TMC4: variants seen among roughly 807,000 people sequenced by gnomAD.
TMC4 encodes transmembrane channel like 4.
A neutral mutation model predicts 82.0 loss-of-function variants in TMC4; 70 were observed. The observed-to-expected ratio is 0.85, with a 90% confidence interval of 0.70 to 1.04. The LOEUF (loss-of-function observed/expected upper bound fraction) is 1.04. TMC4 is among the 50% of genes least tolerant of loss of function. The probability of loss-of-function intolerance (pLI) is 0.00; values close to 1 mark genes in which losing one functional copy is unlikely to be tolerated. For missense variants in TMC4, 879 were observed against 899.0 expected, an observed-to-expected ratio of 0.98 and a Z score of 0.28; for synonymous variants, 446 against 406.0, an observed-to-expected ratio of 1.10 and a Z score of -1.18.
At position 54,164,504 on chromosome 19, in the gene TMC4, A is replaced by G. The variant is rs1267305130; in HGVS notation, c.1043T>C (p.Leu348Pro). The G allele has an allele frequency of 6.2e-7, 1 of 1,613,672 alleles. No homozygotes were observed. The highest frequency in any genetic ancestry group is 1.1e-5 in the South Asian group (1 of 91,056). The change falls in exon 7 of 15, where the codon CTG (leucine) becomes CCG (proline). Residue 348 changes from leucine to proline, a missense_variant. Coordinates refer to ENST00000619895, the MANE Select transcript of TMC4 (RefSeq NM_144686.4). ...GGCTGCCCCCAGGAGCGCGACCACC[A>G]GCAGGTTGAGCAGCACCCGCACCAA... ...VWLVRVLLNL[L>P]VVALLGAAFY...
chr19:54,164,429 C>CACGGT lies in TMC4; in HGVS notation c.1113+4_1113+5insACCGT. The CACGGT allele has an allele frequency of 6.2e-7, 1 of 1,608,464 alleles. No homozygotes were observed. Among genetic ancestry groups the CACGGT allele is most frequent in the East Asian group, 2.2e-5 (1 of 44,744 alleles). On this transcript the variant is annotated splice_donor_region_variant and intron_variant, in intron 7 of 14. Transcript: ENST00000619895. ...CCTGGCTTCCTCTTCCAAGACCGTC[C>CACGGT]GCACCTGCAGCTCCACGGTGCACCC...
In TMC4 at chr19:54,165,331, C is replaced by A. The variant is rs2075674868; in HGVS notation, c.945+88G>T. ...GAGCTGCTTAGCATCTCTCCGGAGGCCCCATCACCGAGTTAGGCCCTGTGC... is the reference window on the plus strand; with the variant it reads ...GAGCTGCTTAGCATCTCTCCGGAGGACCCATCACCGAGTTAGGCCCTGTGC... On this transcript the variant is annotated intron_variant, in intron 6 of 14. Coordinates refer to ENST00000619895, the MANE Select transcript of TMC4 (RefSeq NM_144686.4). 4 of 1,371,536 alleles carry A rather than the reference C, an allele frequency of 2.9e-6. No individual in the cohort carries two copies. The South Asian group carries it at 4.5e-5, about 16-fold the overall frequency. 85.0% of individuals were successfully genotyped at this position (1,371,536 alleles called of 1,614,324 possible).
intron 2 of TMC4, among the ~76,000 whole-genome samples, chr19:54,171,300 G>T (rs1267524108): frequency 3.9e-5 from 6 of 152,000 alleles, no homozygotes; most frequent in Admixed American, 3.9e-4. Flanking sequence ...GTAGAGTTGG[G>T]GTTTTGCCAT....
intron 2 of TMC4, among the ~76,000 whole-genome samples, chr19:54,170,458 C>T (rs797011335): frequency 1.6e-4 from 24 of 152,098 alleles, no homozygotes; most frequent in African/African-American, 5.5e-4. Flanking sequence ...TGGAGTTTAT[C>T]TGGGCTCTCA....
At position 54,162,661 on chromosome 19, in the gene TMC4, C is replaced by A. The variant is rs993597818; in HGVS notation, c.1502+12G>T. On this transcript the variant is annotated intron_variant, in intron 10 of 14. Transcript: ENST00000619895. Reference sequence around the variant, plus strand: ...AGAGGGGCGGGGCCACAGCAAGGGGCGGGGCTCTCACTTTCTAGGAAACTG... The same window carrying A: ...AGAGGGGCGGGGCCACAGCAAGGGGAGGGGCTCTCACTTTCTAGGAAACTG... 13 of 1,608,304 alleles carry A rather than the reference C, an allele frequency of 8.1e-6. No homozygotes were observed. Among genetic ancestry groups the A allele is most frequent in the African/African-American group, 1.3e-5 (1 of 74,760 alleles).
chr19:54,170,057 C>T (rs371571263), intron 2 of TMC4, among the ~76,000 whole-genome samples: 3 of 151,738 alleles, frequency 2.0e-5, no homozygotes, highest in Admixed American at 6.6e-5. Flanking sequence ...GCTGAGATGG[C>T]GCCATTGCAT....
chr19:54,169,593 G>T lies in TMC4; in HGVS notation c.361C>A (p.Leu121Ile). ...SGTKTDRWARLLRRSKEKTKE... is the reference protein window; with the variant it reads ...SGTKTDRWARILRRSKEKTKE... ...GTTTTCTCCTTGGACCTCCGAAGTA[G>T]CCGCGCCCATCGGTCCGTCTTAGTT... The change falls in exon 3 of 15, where the codon CTA becomes ATA. Residue 121 changes from leucine (L) to isoleucine (I), a missense_variant. By Grantham distance (5) the Leu-to-Ile change is conservative (BLOSUM62 2). Coordinates refer to ENST00000619895, the MANE Select transcript of TMC4 (RefSeq NM_144686.4). The T allele has an allele frequency of 6.2e-7, 1 of 1,614,010 alleles. No homozygotes were observed. Among genetic ancestry groups the T allele is most frequent in the Non-Finnish European group, 8.5e-7 (1 of 1,180,042 alleles).
At chr19:54,170,258 C>T (rs1188321179) in intron 2 of TMC4, among the ~76,000 whole-genome samples, 1 of 151,630 alleles carries the variant, frequency 6.6e-6, no homozygotes, top group Non-Finnish European at 1.5e-5. Context: ...ATCGCTTGAG[C>T]CCAGGTGTCG....
chr19:54,168,157 C>T lies in TMC4; in HGVS notation c.797+14G>A, dbSNP rs2075749526. The T allele has an allele frequency of 1.3e-6, 2 of 1,598,174 alleles. No homozygotes were observed. Among genetic ancestry groups the T allele is most frequent in the Non-Finnish European group, 1.7e-6 (2 of 1,172,172 alleles). ...CCCGTCCCGTCAGGGGTCAGGGGTG[C>T]AGGTGCCACTGACCGATGCAGGATG... is the stretch of plus-strand genomic sequence containing the variant. On this transcript the variant is annotated intron_variant, in intron 5 of 14. Transcript: ENST00000619895.
At position 54,163,979 on chromosome 19, in the gene TMC4, T is replaced by TCTTC; in HGVS notation, c.1114-93_1114-92insGAAG. On this transcript the variant is annotated intron_variant, in intron 7 of 14. Transcript: ENST00000619895. The stretch of plus-strand genomic sequence containing the variant: ...CCCGGCCTCTTCTTCTTCTTCTTCT[T>TCTTC]TTTTTTTTTTTTTGAGACAGAGTCT... 3 of 904,262 alleles carry TCTTC rather than the reference T, an allele frequency of 3.3e-6. No individual in the cohort carries two copies. The African/African-American group carries it at 5.5e-5, about 17-fold the overall frequency. The allele number at this position is 904,262 out of a possible 1,614,324, so 56.0% of individuals were successfully genotyped here.
intron 10 of TMC4, 36 bp from the exon 11 acceptor site, chr19:54,162,321 G>C (rs763603298): frequency 6.9e-7 from 1 of 1,453,960 alleles, no homozygotes; most frequent in Non-Finnish European, 9.0e-7. Context: ...GGAGTCAGGG[G>C]AGTGGCGGCC....
In TMC4 at chr19:54,168,875, TTCTTTTCTTTTCTTTCTTTC is replaced by T. The variant is rs2075793098; in HGVS notation, c.443-215_443-196del. On this transcript the variant is annotated intron_variant, in intron 3 of 14. Coordinates refer to ENST00000619895, the MANE Select transcript of TMC4 (RefSeq NM_144686.4). Reference sequence around the variant, plus strand: ...TTCTTTTCTTTTCTTTTCTTTTCTTTTCTTTTCTTTTCTTTCTTTCCTTTCTTTCTTCTTTCTTTCCTTCC... The same window carrying T: ...TTCTTTTCTTTTCTTTTCTTTTCTTTCTTTCTTTCTTCTTTCTTTCCTTCC... 1.8e-3 allele frequency among the ~76,000 whole-genome samples: 80 copies of T among 43,376 alleles called. 4 individuals carry two copies. The highest frequency in any genetic ancestry group is 7.0e-3 in the Middle Eastern group (1 of 142). 28.5% of individuals were successfully genotyped at this position (43,376 alleles called of 152,430 possible). A position where few individuals can be genotyped will look rare whatever the true frequency, so the allele number is the denominator to read the frequency against.
Position 54,168,230 on chromosome 19 carries a change from G to T in TMC4, c.738C>A (p.Val246=). Residue 246 remains valine (V), a synonymous_variant, in exon 5 of 15, where the codon GTC becomes GTA. Transcript: ENST00000619895. The stretch of plus-strand genomic sequence containing the variant: ...CGGCAAAGGCCCAGCACAGGTAGGT[G>T]ACCGCCAGGCGTGGGCGGGGCGGGT... ...GFYPPRPRLA[V]TYLCWAFAVG... is the part of the protein sequence containing the mutation. The T allele has an allele frequency of 6.3e-7, 1 of 1,586,146 alleles. No homozygotes were observed. Among genetic ancestry groups the T allele is most frequent in the Admixed American group, 1.8e-5 (1 of 55,774 alleles).
At chr19:54,169,476 C>G (rs938196879) in intron 3 of TMC4, 36 bp downstream of exon 3, 11 of 1,592,250 alleles carry the variant, frequency 6.9e-6, no homozygotes, top group Non-Finnish European at 8.5e-6. Flanking sequence ...GGAGTCCAGG[C>G]CCTGCCCCCA....
intron 7 of TMC4, 140 bp from the exon 8 acceptor site, chr19:54,164,027 T>C: frequency 1.1e-6 from 1 of 944,608 alleles, no homozygotes; most frequent in Non-Finnish European, 1.5e-6. Flanking sequence ...CAGCCTAGAA[T>C]GCAGCGGTGC....
At chr19:54,162,386 TGGTGG>T (rs1232088140) in intron 10 of TMC4, 101 bp from the exon 11 acceptor site, 16,715 of 347,114 alleles carry the variant, frequency 0.048, 96 homozygotes, top group Middle Eastern at 0.073. Context: ...TGCGTATTGG[TGGTGG>T]GGGGGGGGGG....
chr19:54,163,977 C>CCT, intron 7 of TMC4, 90 bp from the exon 8 acceptor site: 4 of 1,019,350 alleles, frequency 3.9e-6, no homozygotes, highest in African/African-American at 1.9e-5. Context: ...TCTTCTTCTT[C>CCT]TTTTTTTTTT....
intron 13 of TMC4, 36 bp downstream of exon 13, chr19:54,160,842 A>C (rs376847455): frequency 1.1e-5 from 18 of 1,609,782 alleles, no homozygotes; most frequent in Non-Finnish European, 1.4e-5. Context: ...GATCACACGC[A>C]TTCAAACCCA....
rs2075537659 is a variant in TMC4 at position 54,161,117 on chromosome 19, C to T, written c.1817+13G>A. The T allele has an allele frequency of 6.3e-7, 1 of 1,586,052 alleles. No individual in the cohort carries two copies. The highest frequency in any genetic ancestry group is 8.6e-7 in the Non-Finnish European group (1 of 1,166,180). On this transcript the variant is annotated intron_variant, in intron 12 of 14. Transcript: ENST00000619895. Reference sequence around the variant, plus strand: ...GAGAGGGAGGGAGAGAGGCGGGAGCCTCTCGCACTTACAGGAAGATGCTGT... The same window carrying T: ...GAGAGGGAGGGAGAGAGGCGGGAGCTTCTCGCACTTACAGGAAGATGCTGT...
Sources: allele counts gnomAD v4.1 joint callset (sites outside exome capture counted in the v4.1 genomes callset), GRCh38; gene constraint gnomAD v4.1.1; transcripts MANE v1.5; gene names NCBI Gene and HGNC (gene_info 2026-07-23, HGNC 2026-07-21).